ASIC2: variants seen among roughly 807,000 people sequenced by gnomAD.
The protein encoded by ASIC2 is acid-sensing ion channel 2.
Under a neutral mutation model 57.3 loss-of-function variants are expected in ASIC2, and 25 were observed. The ratio of observed to expected loss-of-function variants is 0.44; its 90% CI spans 0.32 to 0.61. The LOEUF (loss-of-function observed/expected upper bound fraction) is 0.61. Among genes scored for constraint, ASIC2 ranks in the 20% least tolerant of loss-of-function variants. The pLI, the probability that ASIC2 is intolerant of heterozygous loss-of-function variation, is 0.06. For synonymous variants in ASIC2, 319 were observed against 307.5 expected (o/e 1.04, Z -0.39); for missense variants, 641 against 738.1 (o/e 0.87, Z 1.52).
At chr17:33,076,542 T>A (rs138785757) in intron 3 of ASIC2, among the ~76,000 whole-genome samples, 1 of 152,242 alleles carries the variant, frequency 6.6e-6, no homozygotes, top group African/African-American at 2.4e-5. Flanking sequence ...CTCAATTGTG[T>A]TCTCTTCCTC....
intron 1 of ASIC2, among the ~76,000 whole-genome samples, chr17:33,261,101 T>C (rs1336678612): frequency 1.3e-5 from 2 of 152,230 alleles, no homozygotes; most frequent in African/African-American, 4.8e-5. Flanking sequence ...TGATAGCAAG[T>C]AGCAAATCCA....
chr17:33,184,157 G>T (rs578177028), intron 1 of ASIC2, among the ~76,000 whole-genome samples: 7 of 152,214 alleles, frequency 4.6e-5, no homozygotes, highest in African/African-American at 1.7e-4. Context: ...AGGTTAAAGC[G>T]ACTTGCCCAA....
At position 33,192,384 on chromosome 17, in the gene ASIC2, A is replaced by AAAAAC. The variant is rs149064811; in HGVS notation, c.709-80322_709-80318dup. ...GGCAAGAAGAGCAAAACTCAGTCTC[A>AAAAAC]AAAACAAAACAAAACAAAACAAAAC... On this transcript the variant is annotated intron_variant, in intron 1 of 9. Transcript: ENST00000225823. Among the ~76,000 whole-genome samples the AAAAAC allele has an allele frequency of 8.9e-3, 1,276 of 142,982 alleles. 41 individuals carry two copies. The highest frequency in any genetic ancestry group is 0.028 in the South Asian group (115 of 4,154). 93.8% of individuals were successfully genotyped at this position (142,982 alleles called of 152,430 possible). A position where few individuals can be genotyped will look rare whatever the true frequency, so the allele number is the denominator to read the frequency against.
chr17:33,691,246 A>G (rs1480775135), intron 1 of ASIC2, among the ~76,000 whole-genome samples: 3 of 152,200 alleles, frequency 2.0e-5, no homozygotes, highest in Non-Finnish European at 2.9e-5. Context: ...ATACCTAGCA[A>G]AATTGCTGGT....
chr17:33,112,173 C>T (rs539796708), intron 1 of ASIC2, 106 bp from the exon 2 acceptor site: 6 of 1,316,070 alleles, frequency 4.6e-6, no homozygotes, highest in Non-Finnish European at 6.1e-6. Flanking sequence ...AGAGTCCCCA[C>T]AGCCCATCAC....
At chr17:33,595,782 A>C (rs142519642) in intron 1 of ASIC2, among the ~76,000 whole-genome samples, 1 of 152,248 alleles carries the variant, frequency 6.6e-6, no homozygotes, top group African/African-American at 2.4e-5. Context: ...GTTTTCAGGA[A>C]TACTTGGGGT....
intron 1 of ASIC2, among the ~76,000 whole-genome samples, chr17:33,972,052 C>A (rs1176792598): frequency 6.6e-6 from 1 of 152,176 alleles, no homozygotes. Context: ...ATGGTATCAC[C>A]ACCTCCTCCT....
chr17:33,854,625 A>G (rs959223520), intron 1 of ASIC2, among the ~76,000 whole-genome samples: 5 of 152,196 alleles, frequency 3.3e-5, no homozygotes, highest in Middle Eastern at 6.3e-3. Context: ...TTACAGGAGC[A>G]AGATCTGCAG....
intron 2 of ASIC2, among the ~76,000 whole-genome samples, chr17:33,091,020 C>T (rs892398980): frequency 6.6e-5 from 10 of 152,210 alleles, no homozygotes; most frequent in Non-Finnish European, 1.5e-4. Flanking sequence ...GTCCAAACTC[C>T]TATCCATATG....
chr17:33,914,293 GGT>G (rs1433941045), intron 1 of ASIC2, among the ~76,000 whole-genome samples: 1 of 152,188 alleles, frequency 6.6e-6, no homozygotes, highest in East Asian at 1.9e-4. Flanking sequence ...GGCCCTGTAG[GGT>G]GGTGACTCTG....
chr17:34,070,484 C>T (rs4795861), intron 1 of ASIC2: 132,630 of 152,160 alleles, frequency 0.87, 57,946 homozygotes, highest in South Asian at 0.9. Context: ...AAGGTAAAGA[C>T]AGAAGTCAGA....
rs950593595 is a variant in ASIC2, at chr17:33,475,566, T to A, written c.556-363499A>T. On this transcript the variant is annotated intron_variant, in intron 1 of 9. Coordinates refer to the ASIC2 transcript ENST00000359872. ...TTGGACATAGTCTTAGGACTTTTTA[T>A]TGACTTCCTTCTAATGATGGGGGTT... Among the ~76,000 whole-genome samples, 19 of 152,372 alleles carry A rather than the reference T, an allele frequency of 1.2e-4. 3 individuals carry two copies. Among genetic ancestry groups the A allele is most frequent in the Admixed American group, 1.2e-3 (18 of 15,314 alleles).
chr17:33,908,687 A>T (rs1299071179), intron 1 of ASIC2, among the ~76,000 whole-genome samples: 1 of 152,224 alleles, frequency 6.6e-6, no homozygotes, highest in African/African-American at 2.4e-5. Flanking sequence ...TGGTTATGAC[A>T]CACTGTGAGA....
chr17:33,870,973 G>GCC (rs1455956478), intron 1 of ASIC2, among the ~76,000 whole-genome samples: 2 of 152,092 alleles, frequency 1.3e-5, no homozygotes, highest in Non-Finnish European at 2.9e-5. Context: ...CTTTGCTTGT[G>GCC]CCCACCCCAC....
chr17:33,261,922 G>A (rs1356360394), intron 1 of ASIC2, among the ~76,000 whole-genome samples: 1 of 152,326 alleles, frequency 6.6e-6, no homozygotes, highest in Non-Finnish European at 1.5e-5. Context: ...TCTGGGTGCC[G>A]TGGCCTCTTG....
At chr17:33,328,260 GCA>G (rs1339041253) in intron 1 of ASIC2, among the ~76,000 whole-genome samples, 1 of 152,122 alleles carries the variant, frequency 6.6e-6, no homozygotes, top group African/African-American at 2.4e-5. Context: ...GTTGTTCTGG[GCA>G]CAGTGAGTTA....
chr17:33,047,249 C>A (rs2091959266), intron 3 of ASIC2, among the ~76,000 whole-genome samples: 1 of 152,170 alleles, frequency 6.6e-6, no homozygotes, highest in Admixed American at 6.5e-5. Context: ...AGGGTGAATT[C>A]CCTGTCCTCA....
intron 1 of ASIC2, among the ~76,000 whole-genome samples, chr17:33,907,489 C>T (rs1163776951): frequency 6.6e-6 from 1 of 152,132 alleles, no homozygotes; most frequent in Non-Finnish European, 1.5e-5. Flanking sequence ...TGAAAATGAT[C>T]TCTCTTTGTC....
chr17:33,132,372 T>C (rs1178380385), intron 1 of ASIC2, among the ~76,000 whole-genome samples: 1 of 152,100 alleles, frequency 6.6e-6, no homozygotes, highest in African/African-American at 2.4e-5. Flanking sequence ...ATAAAACCGG[T>C]TAAGTGTTTA....
Sources: allele counts gnomAD v4.1 joint callset (sites outside exome capture counted in the v4.1 genomes callset), GRCh38; gene constraint gnomAD v4.1.1; transcripts MANE v1.5; gene names NCBI Gene and HGNC (gene_info 2026-07-23, HGNC 2026-07-21).